Variants in GSPT1 observed in about 807,000 individuals in gnomAD.
GSPT1 encodes the protein G1 to S phase transition 1.
Under a neutral mutation model 72.5 loss-of-function variants are expected in GSPT1, and 20 were observed. The observed-to-expected ratio is 0.28, with a 90% confidence interval of 0.19 to 0.40. The LOEUF (loss-of-function observed/expected upper bound fraction) is 0.40. Among genes scored for constraint, GSPT1 ranks in the 10% least tolerant of loss-of-function variants. GSPT1 has a pLI of 1.00. For synonymous variants in GSPT1, 334 were observed against 293.5 expected, an observed-to-expected ratio of 1.14 and a Z score of -1.41; for missense variants, 580 against 811.9, an observed-to-expected ratio of 0.71 and a Z score of 3.47.
chr16:11,905,013 A>C (rs71385107), intron 1 of GSPT1, among the ~76,000 whole-genome samples: 417 of 152,354 alleles, frequency 2.7e-3, no homozygotes, highest in South Asian at 9.7e-3. Flanking sequence ...GGCTGCAGTG[A>C]GCGGTGATCA....
intron 1 of GSPT1, among the ~76,000 whole-genome samples, chr16:11,902,948 CTCAA>C (rs2054433917): frequency 6.6e-6 from 1 of 151,938 alleles, no homozygotes; most frequent in Non-Finnish European, 1.5e-5. Context: ...AACTCCTGAG[CTCAA>C]GCAATCCACC....
intron 5 of GSPT1, among the ~76,000 whole-genome samples, chr16:11,894,565 T>G (rs1258707994): frequency 1.3e-5 from 2 of 152,208 alleles, no homozygotes; most frequent in African/African-American, 4.8e-5. Context: ...TAGAGTTCTG[T>G]GTTCATTTTT....
intron 1 of GSPT1, among the ~76,000 whole-genome samples, chr16:11,913,767 G>T (rs796481905): frequency 1.2e-4 from 18 of 152,316 alleles, no homozygotes; most frequent in African/African-American, 4.3e-4. Context: ...ATGGCTTGAT[G>T]TAAGTCAAGA....
At position 11,887,887 on chromosome 16, in the gene GSPT1, G is replaced by A. The variant is rs527410783; in HGVS notation, c.777-137C>T. On this transcript the variant is annotated intron_variant, in intron 6 of 14. Transcript: ENST00000434724. ...AGATTGGTGAAATGAAAATTGAGCC[G>A]GGTGCGGTGGCTCACATCTGTAATC... 388 of 679,284 alleles carry A rather than the reference G, an allele frequency of 5.7e-4. 1 individual carries two copies. The highest frequency in any genetic ancestry group is 8.3e-4 in the Non-Finnish European group (340 of 407,798). 42.1% of individuals were successfully genotyped at this position (679,284 alleles called of 1,614,324 possible).
chr16:11,905,461 C>G (rs2054476788), intron 1 of GSPT1, among the ~76,000 whole-genome samples: 1 of 152,124 alleles, frequency 6.6e-6, no homozygotes, highest in Non-Finnish European at 1.5e-5. Context: ...CATTTCTATC[C>G]CATTCCCTGT....
chr16:11,889,963 T>C (rs1596464335), intron 6 of GSPT1, among the ~76,000 whole-genome samples: 2 of 149,610 alleles, frequency 1.3e-5, no homozygotes, highest in Admixed American at 6.7e-5. Context: ...TTTTCCTTTT[T>C]TCTTTTTTTT....
intron 1 of GSPT1, among the ~76,000 whole-genome samples, chr16:11,906,455 G>A (rs2054491313): frequency 6.6e-6 from 1 of 151,974 alleles, no homozygotes; most frequent in Non-Finnish European, 1.5e-5. Flanking sequence ...ACACAGTGAT[G>A]CTCTGTCTCT....
chr16:11,897,729 T>C (rs1567446354), intron 3 of GSPT1, 111 bp downstream of exon 3: 1 of 671,260 alleles, frequency 1.5e-6, no homozygotes, highest in South Asian at 1.7e-5. Context: ...AAAGACTCAA[T>C]GTGTCTTAAA....
chr16:11,911,354 T>TA (rs1285544961), intron 1 of GSPT1, among the ~76,000 whole-genome samples: 1 of 152,148 alleles, frequency 6.6e-6, no homozygotes, highest in African/African-American at 2.4e-5. Context: ...TGCATAACCT[T>TA]ACAAATATAT....
At position 11,868,368 on chromosome 16, in the gene GSPT1, T is replaced by G. The variant is rs940946731; in HGVS notation, c.*4751A>C. The G allele has an allele frequency of 6.6e-6, 1 of 151,566 alleles. No homozygotes were observed. The highest frequency in any genetic ancestry group is 1.5e-5 in the Non-Finnish European group (1 of 67,902). The allele number at this position is 151,566 out of a possible 1,614,324, so 9.4% of individuals were successfully genotyped here. On this transcript the variant is annotated 3_prime_UTR_variant, in exon 15 of 15. Coordinates refer to ENST00000434724, the MANE Select transcript of GSPT1 (RefSeq NM_002094.4). ...AGTTCCCTTTAATCCTGTTTTTTTT[T>G]TTTTTTTTTAAATGAGATCTAGGTA...
chr16:11,900,325 C>T (rs1199810219), intron 1 of GSPT1, among the ~76,000 whole-genome samples: 4 of 69,060 alleles, frequency 5.8e-5, no homozygotes, highest in South Asian at 4.5e-4. Context: ...AATGAAACTC[C>T]GTCTCAAAAA....
upstream of GSPT1, among the ~76,000 whole-genome samples, chr16:11,916,344 C>T (rs1322060167): frequency 6.6e-6 from 1 of 152,218 alleles, no homozygotes; most frequent in African/African-American, 2.4e-5. Flanking sequence ...GTATTTTAGC[C>T]CATAGGAGGG....
At chr16:11,891,368 A>AT (rs199882055) in intron 5 of GSPT1, among the ~76,000 whole-genome samples, 6,918 of 144,232 alleles carry the variant, frequency 0.048, 348 homozygotes, top group Admixed American at 0.15. Flanking sequence ...ATATATATAT[A>AT]TTTTTTTTTT....
chr16:11,887,037 T>TTTG, intron 7 of GSPT1, 106 bp from the exon 8 acceptor site: 1 of 914,834 alleles, frequency 1.1e-6, no homozygotes, highest in Non-Finnish European at 1.6e-6. Context: ...TTTTTTTTTT[T>TTTG]TGCAAGAAAA....
intron 14 of GSPT1, among the ~76,000 whole-genome samples, chr16:11,874,480 T>C (rs2054015696): frequency 7.5e-6 from 1 of 133,550 alleles, no homozygotes; most frequent in African/African-American, 2.7e-5. Flanking sequence ...TTTTTTTTTT[T>C]TTTTAAAGCC....
intron 1 of GSPT1, among the ~76,000 whole-genome samples, chr16:11,911,671 G>A (rs960747064): frequency 1.3e-5 from 2 of 150,378 alleles, no homozygotes. Flanking sequence ...TCCTGCCTCA[G>A]CCTCCCCAGT....
In GSPT1 at chr16:11,870,824, T is replaced by G. The variant is rs1002801642; in HGVS notation, c.*2295A>C. On this transcript the variant is annotated 3_prime_UTR_variant, in exon 15 of 15. Transcript: ENST00000434724. The stretch of plus-strand genomic sequence containing the variant: ...TTTTACAGTTACATTTGTATTTGTA[T>G]GACCTGTTACTTTTTAGAGGTAGGC... 6.6e-6 allele frequency: 1 copy of G among 152,256 alleles called. No individual in the cohort carries two copies. The highest frequency in any genetic ancestry group is 2.4e-5 in the African/African-American group (1 of 41,472). 9.4% of individuals were successfully genotyped at this position (152,256 alleles called of 1,614,324 possible).
chr16:11,892,532 C>T (rs2110601), intron 5 of GSPT1, among the ~76,000 whole-genome samples: 2,464 of 102,906 alleles, frequency 0.024, 225 homozygotes, highest in East Asian at 0.19. Context: ...ACAAAAAAAA[C>T]AAAAAATAAA....
chr16:11,876,179 T>A lies in GSPT1; in HGVS notation c.1603-4A>T. 1 of 1,552,478 alleles carries A rather than the reference T, an allele frequency of 6.4e-7. No individual in the cohort carries two copies. Among genetic ancestry groups the A allele is most frequent in the Non-Finnish European group, 8.9e-7 (1 of 1,123,824 alleles). The stretch of plus-strand genomic sequence containing the variant: ...ATTTGTGCTCTATAATCACTATCTG[T>A]CAAACAAACACACACATTCTTATCT... On this transcript the variant is annotated splice_polypyrimidine_tract_variant and splice_region_variant and intron_variant, in intron 12 of 14. Coordinates refer to ENST00000434724, the MANE Select transcript of GSPT1 (RefSeq NM_002094.4).
Sources: gnomAD v4.1 joint callset for allele counts (sites outside exome capture counted in the v4.1 genomes callset) on GRCh38, gnomAD v4.1.1 for gene constraint, MANE v1.5 for transcripts, NCBI Gene and HGNC (gene_info 2026-07-23, HGNC 2026-07-21) for gene names.